KANSL1L: variants seen among roughly 807,000 people sequenced by gnomAD.
The protein encoded by KANSL1L is KAT8 regulatory NSL complex subunit 1-like protein.
A neutral mutation model predicts 108.6 loss-of-function variants in KANSL1L; 25 were observed. The ratio of observed to expected loss-of-function variants is 0.23; its 90% CI spans 0.17 to 0.32. KANSL1L has a LOEUF of 0.32. Among genes scored for constraint, KANSL1L ranks in the 10% least tolerant of loss-of-function variants. The pLI is 1.00. For missense variants in KANSL1L, 1,137 were observed against 1,125.7 expected, an observed-to-expected ratio of 1.01 and a Z score of -0.14; for synonymous variants, 405 against 395.1, an observed-to-expected ratio of 1.03 and a Z score of -0.30.
chr2:210,058,587 A>G (rs2094383081), intron 6 of KANSL1L, among the ~76,000 whole-genome samples: 1 of 152,092 alleles, frequency 6.6e-6, no homozygotes. Context: ...TAATCCCAGC[A>G]CTTTAGGAGG....
chr2:210,096,638 G>A (rs1575521790), intron 5 of KANSL1L: 1 of 984,882 alleles, frequency 1.0e-6, no homozygotes, highest in East Asian at 1.1e-4. Context: ...TGTTTTATGG[G>A]GCAGCTTAAA....
rs1298272787 is a variant in KANSL1L at position 210,028,877 on chromosome 2, C to G, written c.2364G>C (p.Glu788Asp). The stretch of plus-strand genomic sequence containing the variant: ...TAAGTATTTCCTTATATTGGAGTTT[C>G]TCTAATTTAGCTGGGGCTACTAATG... The part of the protein sequence containing the change: ...PMSLVAPAKL[E>D]KLQYKEILTP... Residue 788 changes from glutamate to aspartate, a missense_variant, in exon 11 of 15, where the codon GAG becomes GAC. Glu to Asp is a conservative substitution (Grantham distance 45). Coordinates refer to ENST00000281772, the MANE Select transcript of KANSL1L (RefSeq NM_152519.4). The G allele has an allele frequency of 2.5e-6, 4 of 1,598,664 alleles. No individual in the cohort carries two copies. Among genetic ancestry groups the G allele is most frequent in the Non-Finnish European group, 3.4e-6 (4 of 1,167,414 alleles).
chr2:210,150,298 A>C (rs2095293365), intron 2 of KANSL1L, among the ~76,000 whole-genome samples: 1 of 152,172 alleles, frequency 6.6e-6, no homozygotes, highest in Admixed American at 6.5e-5. Context: ...ATAAACTGGC[A>C]GAGTTGGTGA....
At chr2:210,165,163 A>T (rs1264978203) in intron 1 of KANSL1L, among the ~76,000 whole-genome samples, 1 of 150,454 alleles carries the variant, frequency 6.6e-6, no homozygotes, top group African/African-American at 2.4e-5. Flanking sequence ...TTCAACTTAC[A>T]TTCCAATTTT....
intron 2 of KANSL1L, among the ~76,000 whole-genome samples, chr2:210,151,037 A>G (rs1006568570): frequency 1.3e-5 from 2 of 151,920 alleles, no homozygotes; most frequent in Non-Finnish European, 2.9e-5. Context: ...TTTTTTTGAT[A>G]TGAGTTTTAC....
rs190627078 is a variant in KANSL1L, at chr2:210,159,859, C to T, written c.-29-5248G>A. Among the ~76,000 whole-genome samples, 553 of 152,224 alleles carry T rather than the reference C, an allele frequency of 3.6e-3. 1 individual carries two copies. Among genetic ancestry groups the T allele is most frequent in the South Asian group, 0.013 (63 of 4,816 alleles). ...GACCATCCTGACTAAAAAGGTGAAA[C>T]CCCGTCTCTACTAAAAATACAAAAA... On this transcript the variant is annotated intron_variant, in intron 1 of 14. Coordinates refer to ENST00000281772, the MANE Select transcript of KANSL1L (RefSeq NM_152519.4).
rs771542727 is a variant in KANSL1L, at chr2:210,029,811, A to T, written c.2263T>A (p.Ser755Thr). ...NVNVLSRIQN[S>T]SRNTARRRLR... ...CATATGGAAAAACCTACTCGTGATG[A>T]ATTCTGGATTCTTGATAAAACGTTG... Residue 755 changes from serine to threonine, a missense_variant, in exon 10 of 15, where the codon TCA becomes ACA. Ser to Thr is a moderately conservative substitution (Grantham distance 58). Coordinates refer to ENST00000281772, the MANE Select transcript of KANSL1L (RefSeq NM_152519.4). 6.5e-7 allele frequency: 1 copy of T among 1,548,684 alleles called. No homozygotes were observed. The highest frequency in any genetic ancestry group is 2.3e-5 in the East Asian group (1 of 44,302).
chr2:210,028,293 T>C (rs922057139), intron 11 of KANSL1L: 7 of 152,218 alleles, frequency 4.6e-5, no homozygotes, highest in African/African-American at 1.7e-4. Context: ...TGTTGTCGTA[T>C]CCCTATGTAA....
intron 6 of KANSL1L, among the ~76,000 whole-genome samples, chr2:210,070,431 C>G (rs1460073989): frequency 6.6e-6 from 1 of 151,440 alleles, no homozygotes; most frequent in African/African-American, 2.4e-5. Flanking sequence ...GGGGTTTCAC[C>G]ATGTTAGCCA....
At chr2:210,053,522 G>A (rs1426208789) in intron 6 of KANSL1L, among the ~76,000 whole-genome samples, 1 of 152,046 alleles carries the variant, frequency 6.6e-6, no homozygotes, top group Non-Finnish European at 1.5e-5. Context: ...GCTTGAACCT[G>A]GGAGGCGAAG....
intron 1 of KANSL1L, among the ~76,000 whole-genome samples, chr2:210,169,976 T>G (rs906827340): frequency 7.2e-5 from 11 of 152,214 alleles, no homozygotes; most frequent in African/African-American, 2.7e-4. Context: ...GACCATATTA[T>G]GAAACTTTAC....
At chr2:210,069,789 C>CTTTTTTTT (rs71043970) in intron 6 of KANSL1L, among the ~76,000 whole-genome samples, 1 of 41,972 alleles carries the variant, frequency 2.4e-5, no homozygotes, top group African/African-American at 7.3e-5. Context: ...CCCTGACATT[C>CTTTTTTTT]TTTTTTTTTT....
intron 9 of KANSL1L, among the ~76,000 whole-genome samples, chr2:210,030,411 C>G (rs940127980): frequency 6.7e-6 from 1 of 149,962 alleles, no homozygotes; most frequent in African/African-American, 2.4e-5. Context: ...GCATCCTGTT[C>G]TTGTTTCATA....
intron 8 of KANSL1L, among the ~76,000 whole-genome samples, chr2:210,031,751 G>A (rs1403922541): frequency 6.6e-6 from 1 of 152,142 alleles, no homozygotes; most frequent in Admixed American, 6.5e-5. Flanking sequence ...TTTTGAGGGG[G>A]ATGAAAAGGG....
intron 2 of KANSL1L, among the ~76,000 whole-genome samples, chr2:210,143,979 G>A (rs1399818249): frequency 6.6e-6 from 1 of 152,084 alleles, no homozygotes; most frequent in Non-Finnish European, 1.5e-5. Context: ...TCAGCCTGAA[G>A]AATTCCCTTT....
chr2:210,059,224 T>C (rs931930935), intron 6 of KANSL1L, among the ~76,000 whole-genome samples: 1 of 151,018 alleles, frequency 6.6e-6, no homozygotes, highest in Non-Finnish European at 1.5e-5. Flanking sequence ...TGTCCTGAGG[T>C]GCCATGGAAG....
intron 1 of KANSL1L, among the ~76,000 whole-genome samples, chr2:210,163,556 T>C (rs539559276): frequency 2.6e-5 from 4 of 151,956 alleles, no homozygotes; most frequent in African/African-American, 7.2e-5. Context: ...ATATGCATAA[T>C]GGGAATACCA....
At chr2:210,040,384 G>A (rs773970486) in intron 8 of KANSL1L, 36 bp downstream of exon 8, 5 of 925,730 alleles carry the variant, frequency 5.4e-6, no homozygotes, top group Non-Finnish European at 8.9e-6. Context: ...GACATAAAAA[G>A]GCATATAGAG....
intron 2 of KANSL1L, among the ~76,000 whole-genome samples, chr2:210,151,176 G>A (rs536723466): frequency 5.3e-5 from 8 of 151,904 alleles, no homozygotes; most frequent in Admixed American, 2.0e-4. Flanking sequence ...CCACCATGCC[G>A]GGCTAATTTT....
Sources: gnomAD v4.1 joint callset for allele counts (sites outside exome capture counted in the v4.1 genomes callset) on GRCh38, gnomAD v4.1.1 for gene constraint, MANE v1.5 for transcripts, NCBI Gene and HGNC (gene_info 2026-07-23, HGNC 2026-07-21) for gene names.